Variants in HIVEP2 observed in about 807,000 individuals in gnomAD.
HIVEP2 encodes HIVEP zinc finger 2.
A neutral mutation model predicts 180.7 loss-of-function variants in HIVEP2; 14 were observed. The observed-to-expected ratio is 0.08, with a 90% CI of 0.05 to 0.12. The LOEUF is 0.12. HIVEP2 is among the 10% of genes least tolerant of loss of function. The probability of loss-of-function intolerance (pLI) is 1.00; values close to 1 mark genes in which losing one functional copy is unlikely to be tolerated. For synonymous variants in HIVEP2, 1,184 were observed against 1,136.4 expected (o/e 1.04, Z -0.84); for missense variants, 2,579 against 3,008.5 (o/e 0.86, Z 3.34).
chr6:142,866,429 C>T (rs1052063175), intron 1 of HIVEP2, among the ~76,000 whole-genome samples: 1 of 152,082 alleles, frequency 6.6e-6, no homozygotes, highest in South Asian at 2.1e-4. Context: ...TTTCTACAAC[C>T]CTTATTTCCC....
Position 142,769,828 on chromosome 6 carries a change from C to T in HIVEP2, c.4911G>A (p.Gln1637=), listed in dbSNP as rs562352607. The T allele has an allele frequency of 1.2e-6, 2 of 1,614,202 alleles. No individual in the cohort carries two copies. The highest frequency in any genetic ancestry group is 4.5e-5 in the East Asian group (2 of 44,886). The part of the protein sequence containing the change: ...TDMADFQQIL[Q]FPSLRTTTTV... ...TAGTTGTTGTCCGCAGACTGGGGAA[C>T]TGAAGAATCTGCTGGAAATCTGCCA... Residue 1637 remains glutamine (Q), a synonymous_variant, in exon 5 of 10, where the codon CAG becomes CAA. Coordinates refer to ENST00000367603, the MANE Select transcript of HIVEP2 (RefSeq NM_006734.4).
At chr6:142,918,317 A>G (rs2128433207) in intron 1 of HIVEP2, among the ~76,000 whole-genome samples, 1 of 152,330 alleles carries the variant, frequency 6.6e-6, no homozygotes. Flanking sequence ...AAGTGCTGAG[A>G]TTAAAGGCCT....
At chr6:142,909,693 G>C (rs1387025046) in intron 1 of HIVEP2, among the ~76,000 whole-genome samples, 1 of 152,026 alleles carries the variant, frequency 6.6e-6, no homozygotes, top group East Asian at 1.9e-4. Flanking sequence ...CATTTACTAG[G>C]AAAATACTTA....
intron 1 of HIVEP2, among the ~76,000 whole-genome samples, chr6:142,926,137 T>C (rs79369106): frequency 1.3e-5 from 2 of 152,258 alleles, no homozygotes; most frequent in African/African-American, 4.8e-5. Flanking sequence ...AAACTTTTTT[T>C]AAATTTAACA....
At chr6:142,801,966 C>T (rs1776423458) in intron 2 of HIVEP2, among the ~76,000 whole-genome samples, 1 of 152,130 alleles carries the variant, frequency 6.6e-6, no homozygotes. Flanking sequence ...ACTAATTATT[C>T]CATCTCACTG....
chr6:142,875,608 A>G (rs1776415425), intron 1 of HIVEP2, among the ~76,000 whole-genome samples: 1 of 152,202 alleles, frequency 6.6e-6, no homozygotes, highest in South Asian at 2.1e-4. Flanking sequence ...TTCAGCACTT[A>G]TTTTGGAGAG....
chr6:142,827,063 C>T (rs1774922988), intron 2 of HIVEP2, among the ~76,000 whole-genome samples: 1 of 152,148 alleles, frequency 6.6e-6, no homozygotes, highest in Admixed American at 6.5e-5. Flanking sequence ...GCAATTGCTT[C>T]TTCTTCCATT....
At chr6:142,786,528 T>A (rs1208700449) in intron 2 of HIVEP2, among the ~76,000 whole-genome samples, 1 of 152,212 alleles carries the variant, frequency 6.6e-6, no homozygotes, top group East Asian at 1.9e-4. Context: ...ATCTCCTATT[T>A]GTAATAAACA....
intron 2 of HIVEP2, among the ~76,000 whole-genome samples, chr6:142,793,287 G>C (rs577689169): frequency 4.4e-4 from 67 of 152,066 alleles, no homozygotes; most frequent in Non-Finnish European, 8.5e-4. Context: ...TAACTACCTA[G>C]AGTAGAAAAT....
chr6:142,923,313 A>C lies in HIVEP2; in HGVS notation c.-641+21786T>G, dbSNP rs77235794. Among the ~76,000 whole-genome samples, 1,743 of 152,200 alleles carry C rather than the reference A, an allele frequency of 0.011. 83 individuals are homozygous for C. In the East Asian group the frequency reaches 0.17, roughly 15 times the overall value. On this transcript the variant is annotated intron_variant, in intron 1 of 9. Coordinates refer to ENST00000367603, the MANE Select transcript of HIVEP2 (RefSeq NM_006734.4). ...GCCACTGTACTCCAGCCTGGGCAAC[A>C]GAGCAAGACTCCGTCTCAAAAAAAA...
intron 1 of HIVEP2, among the ~76,000 whole-genome samples, chr6:142,840,851 A>G (rs1437962428): frequency 6.6e-6 from 1 of 152,106 alleles, no homozygotes; most frequent in Non-Finnish European, 1.5e-5. Context: ...ATTATCTACA[A>G]AGCCACCAGC....
At chr6:142,801,698 T>C (rs1288491352) in intron 2 of HIVEP2, among the ~76,000 whole-genome samples, 2 of 152,104 alleles carry the variant, frequency 1.3e-5, no homozygotes, top group Non-Finnish European at 2.9e-5. Flanking sequence ...GCTATCTTCC[T>C]GGGTTACTGT....
At chr6:142,791,277 A>C (rs1776130956) in intron 2 of HIVEP2, among the ~76,000 whole-genome samples, 1 of 152,196 alleles carries the variant, frequency 6.6e-6, no homozygotes, top group Non-Finnish European at 1.5e-5. Context: ...AGTTGTTCTC[A>C]GAGATTAGGA....
intron 1 of HIVEP2, among the ~76,000 whole-genome samples, chr6:142,899,222 C>T (rs1192635241): frequency 3.3e-5 from 5 of 152,122 alleles, no homozygotes; most frequent in Non-Finnish European, 7.3e-5. Flanking sequence ...TCTCTGGATC[C>T]TTTTTTGCTA....
intron 7 of HIVEP2, among the ~76,000 whole-genome samples, chr6:142,763,501 A>G (rs1039844294): frequency 6.6e-6 from 1 of 152,250 alleles, no homozygotes; most frequent in South Asian, 2.1e-4. Context: ...TATTTCCTTC[A>G]GGAGATGATG....
At chr6:142,832,192 CAAA>C (rs71721259) in intron 2 of HIVEP2, among the ~76,000 whole-genome samples, 1 of 108,026 alleles carries the variant, frequency 9.3e-6, no homozygotes, top group Admixed American at 1.0e-4. Context: ...AATTCTGTCT[CAAA>C]AAAAAAAAAA....
At chr6:142,789,977 A>G (rs1193284358) in intron 2 of HIVEP2, among the ~76,000 whole-genome samples, 1 of 152,228 alleles carries the variant, frequency 6.6e-6, no homozygotes, top group African/African-American at 2.4e-5. Context: ...ATCAATTTCC[A>G]TAAGCAGTGC....
intron 3 of HIVEP2, among the ~76,000 whole-genome samples, chr6:142,780,998 G>A (rs1043781878): frequency 2.0e-5 from 3 of 152,098 alleles, no homozygotes; most frequent in African/African-American, 7.2e-5. Flanking sequence ...TACATTAAAT[G>A]AATCATTAAG....
At chr6:142,912,409 C>T (rs1239693781) in intron 1 of HIVEP2, among the ~76,000 whole-genome samples, 1 of 152,214 alleles carries the variant, frequency 6.6e-6, no homozygotes, top group Non-Finnish European at 1.5e-5. Flanking sequence ...ATATATTTCT[C>T]CTCAGAAATC....
Sources: allele counts gnomAD v4.1 joint callset (sites outside exome capture counted in the v4.1 genomes callset), GRCh38; gene constraint gnomAD v4.1.1; transcripts MANE v1.5; gene names NCBI Gene and HGNC (gene_info 2026-07-23, HGNC 2026-07-21).